The following AUTS2 variants were observed in gnomAD, a reference collection of about 807,000 sequenced individuals.
AUTS2 encodes autism susceptibility gene 2 protein.
A neutral mutation model predicts 112.4 loss-of-function variants in AUTS2; 17 were observed. The ratio of observed to expected loss-of-function variants is 0.15; its 90% CI spans 0.10 to 0.23. AUTS2 has a LOEUF of 0.23. Ranked by LOEUF, AUTS2 falls within the 10% of genes least tolerant of loss-of-function variation. The pLI is 1.00. For missense variants in AUTS2, 1,510 were observed against 1,701.6 expected (o/e 0.89, Z 1.98); for synonymous variants, 751 against 702.7 (o/e 1.07, Z -1.09).
At chr7:69,742,628 A>C (rs1278902264) in intron 1 of AUTS2, among the ~76,000 whole-genome samples, 1 of 152,214 alleles carries the variant, frequency 6.6e-6, no homozygotes, top group East Asian at 1.9e-4. Context: ...TTGAAGATAG[A>C]TTTGATTGAA....
intron 4 of AUTS2, among the ~76,000 whole-genome samples, chr7:70,274,650 T>G (rs537546989): frequency 6.6e-6 from 1 of 152,244 alleles, no homozygotes; most frequent in African/African-American, 2.4e-5. Context: ...GAGCGCAGGT[T>G]GATATGCTCA....
chr7:69,887,272 C>T (rs1490710817), intron 1 of AUTS2, among the ~76,000 whole-genome samples: 2 of 151,770 alleles, frequency 1.3e-5, no homozygotes, highest in Admixed American at 6.6e-5. Flanking sequence ...AAAAATTAGC[C>T]GGGCATGGTG....
chr7:69,942,668 T>C (rs1014750951), intron 2 of AUTS2, among the ~76,000 whole-genome samples: 2 of 152,196 alleles, frequency 1.3e-5, no homozygotes, highest in African/African-American at 4.8e-5. Flanking sequence ...ATTCCATCCA[T>C]GGAGTAAGCT....
intron 6 of AUTS2, among the ~76,000 whole-genome samples, chr7:70,744,896 C>T (rs558998657): frequency 6.6e-6 from 1 of 152,260 alleles, no homozygotes; most frequent in East Asian, 1.9e-4. Context: ...ACGGTTTCTT[C>T]CAGATCACCC....
intron 5 of AUTS2, among the ~76,000 whole-genome samples, chr7:70,517,288 C>T (rs1310060491): frequency 6.6e-6 from 1 of 152,166 alleles, no homozygotes; most frequent in East Asian, 1.9e-4. Flanking sequence ...AACTGATTGA[C>T]TTCAAATGGC....
chr7:69,687,591 C>T (rs769129618), intron 1 of AUTS2, among the ~76,000 whole-genome samples: 5 of 152,138 alleles, frequency 3.3e-5, no homozygotes, highest in Admixed American at 6.5e-5. Context: ...TAGAGCCTTA[C>T]GTTAAGAAAC....
chr7:70,497,698 T>C (rs1798610347), intron 5 of AUTS2, among the ~76,000 whole-genome samples: 1 of 152,126 alleles, frequency 6.6e-6, no homozygotes, highest in African/African-American at 2.4e-5. Context: ...ACCTGTTCAT[T>C]AGGGGCATAG....
At chr7:69,714,201 C>T (rs1334636001) in intron 1 of AUTS2, among the ~76,000 whole-genome samples, 1 of 151,116 alleles carries the variant, frequency 6.6e-6, no homozygotes, top group Non-Finnish European at 1.5e-5. Context: ...GTAGCTGGGA[C>T]TACAGGCATG....
intron 1 of AUTS2, among the ~76,000 whole-genome samples, chr7:69,710,987 C>G (rs1302415991): frequency 1.3e-5 from 2 of 152,254 alleles, no homozygotes; most frequent in East Asian, 1.9e-4. Context: ...CGTGTCGTGT[C>G]TTTTATTCTT....
intron 1 of AUTS2, among the ~76,000 whole-genome samples, chr7:69,798,711 C>T (rs1789956949): frequency 2.0e-5 from 3 of 152,130 alleles, no homozygotes; most frequent in African/African-American, 7.2e-5. Context: ...TTAAAAATAG[C>T]TGGGTGTGGT....
intron 4 of AUTS2, among the ~76,000 whole-genome samples, chr7:70,385,542 AT>A (rs959176356): frequency 1.3e-5 from 2 of 152,172 alleles, no homozygotes; most frequent in African/African-American, 4.8e-5. Context: ...CTTAAAGCAA[AT>A]TAGAAAATAG....
chr7:70,452,874 C>A (rs1026056970), intron 5 of AUTS2, among the ~76,000 whole-genome samples: 1 of 152,098 alleles, frequency 6.6e-6, no homozygotes, highest in Non-Finnish European at 1.5e-5. Flanking sequence ...TCACCCATGT[C>A]CCCCTCCACC....
At chr7:70,163,496 A>G (rs1242675498) in intron 4 of AUTS2, among the ~76,000 whole-genome samples, 2 of 152,122 alleles carry the variant, frequency 1.3e-5, no homozygotes, top group East Asian at 1.9e-4. Context: ...CAAAAGCCAT[A>G]TGCTACTGGG....
At chr7:70,193,550 A>G (rs1329316417) in intron 4 of AUTS2, among the ~76,000 whole-genome samples, 1 of 152,232 alleles carries the variant, frequency 6.6e-6, no homozygotes, top group East Asian at 1.9e-4. Context: ...CTCATGAGCA[A>G]TGTGGCAGAT....
chr7:70,218,991 TG>T (rs1175914142), intron 4 of AUTS2, among the ~76,000 whole-genome samples: 9 of 152,252 alleles, frequency 5.9e-5, no homozygotes, highest in Non-Finnish European at 1.2e-4. Flanking sequence ...CTACATTTTT[TG>T]TCATTTGTTC....
chr7:69,803,309 C>T (rs141130483), intron 1 of AUTS2, among the ~76,000 whole-genome samples: 115 of 152,320 alleles, frequency 7.5e-4, no homozygotes, highest in Middle Eastern at 6.8e-3. Flanking sequence ...TAAATGCTGT[C>T]ACTTGTCACA....
intron 4 of AUTS2, among the ~76,000 whole-genome samples, chr7:70,259,908 G>A (rs1787075811): frequency 6.6e-6 from 1 of 151,958 alleles, no homozygotes; most frequent in Admixed American, 6.6e-5. Flanking sequence ...CTGTGGAGAA[G>A]AAAGAGGTCC....
intron 5 of AUTS2, among the ~76,000 whole-genome samples, chr7:70,497,715 C>T (rs1270410052): frequency 2.0e-5 from 3 of 152,250 alleles, no homozygotes; most frequent in South Asian, 4.2e-4. Flanking sequence ...ATAGCTGAGT[C>T]AGGGATTCTG....
intron 4 of AUTS2, among the ~76,000 whole-genome samples, chr7:70,366,143 AAGAG>A (rs200019411): frequency 2.0e-5 from 3 of 151,768 alleles, no homozygotes; most frequent in Non-Finnish European, 2.9e-5. Context: ...TCATTTATTA[AAGAG>A]AGAGAGAGAG....
Sources: allele counts gnomAD v4.1 joint callset (sites outside exome capture counted in the v4.1 genomes callset), GRCh38; gene constraint gnomAD v4.1.1; transcripts MANE v1.5; gene names NCBI Gene and HGNC (gene_info 2026-07-23, HGNC 2026-07-21).